Variants in FAM3C observed in about 807,000 individuals in gnomAD.
The protein encoded by FAM3C is protein FAM3C.
FAM3C carries 15 observed loss-of-function variants against 32.5 expected under a neutral mutation model. The ratio of observed to expected loss-of-function variants is 0.46; its 90% CI spans 0.31 to 0.71. The LOEUF (loss-of-function observed/expected upper bound fraction) is 0.71, where lower values mean the gene tolerates loss of function less well. Among genes scored for constraint, FAM3C ranks in the 30% least tolerant of loss-of-function variants. FAM3C has a pLI of 0.05. For synonymous variants in FAM3C, 75 were observed against 86.1 expected (o/e 0.87, Z 0.72); for missense variants, 175 against 274.4 (o/e 0.64, Z 2.56).
chr7:121,375,354 T>A (rs1450177402), intron 3 of FAM3C, among the ~76,000 whole-genome samples: 1 of 152,124 alleles, frequency 6.6e-6, no homozygotes, highest in Non-Finnish European at 1.5e-5. Context: ...CTGCAGACTG[T>A]GTGCAGACTG....
intron 5 of FAM3C, among the ~76,000 whole-genome samples, chr7:121,365,552 A>G (rs929669278): frequency 6.6e-6 from 1 of 152,132 alleles, no homozygotes; most frequent in African/African-American, 2.4e-5. Flanking sequence ...ATTCAAAAAC[A>G]CTATAAATAA....
intron 3 of FAM3C, among the ~76,000 whole-genome samples, chr7:121,374,584 G>A (rs1049826497): frequency 3.3e-5 from 5 of 152,178 alleles, no homozygotes; most frequent in Non-Finnish European, 7.4e-5. Flanking sequence ...ATACTAAGAT[G>A]TTAAACAAAT....
At chr7:121,359,031 A>C (rs2707508) in intron 8 of FAM3C, among the ~76,000 whole-genome samples, 1 of 151,936 alleles carries the variant, frequency 6.6e-6, no homozygotes, top group African/African-American at 2.4e-5. Flanking sequence ...TAATAAAGGC[A>C]TATTAAAATA....
At chr7:121,366,051 T>C (rs537275139) in intron 5 of FAM3C, among the ~76,000 whole-genome samples, 41 of 152,204 alleles carry the variant, frequency 2.7e-4, no homozygotes, top group Non-Finnish European at 4.3e-4. Context: ...TAATAACAAG[T>C]GTTGGCAAGG....
chr7:121,395,609 G>C (rs1794674128), intron 1 of FAM3C, among the ~76,000 whole-genome samples: 1 of 152,096 alleles, frequency 6.6e-6, no homozygotes, highest in Non-Finnish European at 1.5e-5. Context: ...AGCTGTGAGA[G>C]CAGTAGCAAA....
chr7:121,360,778 T>C (rs1793903741), intron 7 of FAM3C, among the ~76,000 whole-genome samples: 1 of 152,076 alleles, frequency 6.6e-6, no homozygotes, highest in African/African-American at 2.4e-5. Flanking sequence ...GAGGTTGCGG[T>C]GAGCTGAGAT....
Position 121,371,529 on chromosome 7 carries a change from A to G in FAM3C, c.149-106T>C, listed in dbSNP as rs1207895276. ...ACAAAGAGCATTAAGAAAAACATCA[A>G]GATACACGTATCTTAAAATACAAGC... On this transcript the variant is annotated intron_variant, in intron 4 of 9. Coordinates refer to ENST00000359943, the MANE Select transcript of FAM3C (RefSeq NM_014888.3). The G allele has an allele frequency of 4.3e-6, 5 of 1,159,092 alleles. No homozygotes were observed. In the East Asian group the frequency reaches 9.6e-5, roughly 22 times the overall value. The allele number at this position is 1,159,092 out of a possible 1,614,324, so 71.8% of individuals were successfully genotyped here. A position where few individuals can be genotyped will look rare whatever the true frequency, so the allele number is the denominator to read the frequency against.
At chr7:121,393,610 A>G (rs571979041) in intron 1 of FAM3C, among the ~76,000 whole-genome samples, 1 of 152,356 alleles carries the variant, frequency 6.6e-6, no homozygotes, top group Non-Finnish European at 1.5e-5. Flanking sequence ...GAGCAGGCCA[A>G]TGAAGAAGAA....
intron 1 of FAM3C, among the ~76,000 whole-genome samples, chr7:121,386,685 ACG>A (rs1491322545): frequency 1.5e-5 from 2 of 132,916 alleles, no homozygotes; most frequent in Non-Finnish European, 3.2e-5. Flanking sequence ...ACACACACAC[ACG>A]CACACATATA....
At chr7:121,359,977 A>T (rs2116884742) in intron 8 of FAM3C, 66 bp downstream of exon 8, 1 of 813,868 alleles carries the variant, frequency 1.2e-6, no homozygotes, top group South Asian at 1.5e-5. Context: ...ATTTTTTTTT[A>T]ATGAAAATGT....
chr7:121,351,074 G>T, intron 9 of FAM3C, 69 bp downstream of exon 9: 1 of 1,377,892 alleles, frequency 7.3e-7, no homozygotes, highest in Admixed American at 2.0e-5. Context: ...AAATAGCTGG[G>T]ATGGGAAAAT....
At chr7:121,360,237 C>A in intron 7 of FAM3C, 110 bp from the exon 8 acceptor site, 1 of 638,448 alleles carries the variant, frequency 1.6e-6, no homozygotes, top group Non-Finnish European at 2.8e-6. Flanking sequence ...CAATAATTTC[C>A]AATGTAAAGT....
chr7:121,389,186 A>C (rs1279370729), intron 1 of FAM3C, among the ~76,000 whole-genome samples: 1 of 152,124 alleles, frequency 6.6e-6, no homozygotes, highest in Non-Finnish European at 1.5e-5. Flanking sequence ...TACACACTAC[A>C]TTCTGAGAAC....
rs1331215370 is a variant in FAM3C, at chr7:121,379,076, CTATGAAAAATGTT to C, written c.14-75_14-63del. On this transcript the variant is annotated intron_variant, in intron 2 of 9. Transcript: ENST00000359943. ...CCCACAGAACTTTTATTTTGCATTT[CTATGAAAAATGTT>C]TATAAATTTTTTAAGATCAATACAT... 108 of 888,940 alleles carry C rather than the reference CTATGAAAAATGTT, an allele frequency of 1.2e-4. 1 individual carries two copies. The highest frequency in any genetic ancestry group is 2.7e-5 in the Admixed American group (1 of 36,628). 55.1% of individuals were successfully genotyped at this position (888,940 alleles called of 1,614,324 possible).
chr7:121,377,994 TTAAA>T (rs1794273638), intron 3 of FAM3C, among the ~76,000 whole-genome samples: 1 of 152,228 alleles, frequency 6.6e-6, no homozygotes, highest in Non-Finnish European at 1.5e-5. Context: ...AGCGCCTTGG[TTAAA>T]TAATTGTTTT....
At chr7:121,352,390 C>A (rs1284013488) in intron 8 of FAM3C, among the ~76,000 whole-genome samples, 5 of 152,098 alleles carry the variant, frequency 3.3e-5, no homozygotes, top group Non-Finnish European at 1.5e-5. Flanking sequence ...TTGATGCCCA[C>A]CACATCCGTG....
intron 8 of FAM3C, among the ~76,000 whole-genome samples, chr7:121,352,996 G>T (rs73217400): frequency 6.6e-4 from 101 of 152,318 alleles, no homozygotes; most frequent in Non-Finnish European, 1.3e-3. Context: ...TCAGTGGTCA[G>T]CTAAATGGAC....
intron 7 of FAM3C, among the ~76,000 whole-genome samples, chr7:121,361,335 CATA>C (rs879873347): frequency 3.3e-5 from 5 of 152,194 alleles, no homozygotes; most frequent in Non-Finnish European, 5.9e-5. Context: ...GATTATATTT[CATA>C]ATAATAGCAT....
intron 8 of FAM3C, among the ~76,000 whole-genome samples, chr7:121,356,962 A>G (rs1793826898): frequency 6.6e-6 from 1 of 152,180 alleles, no homozygotes; most frequent in Non-Finnish European, 1.5e-5. Flanking sequence ...ATCAAGAAAC[A>G]CCATGATTAA....
Sources: allele counts gnomAD v4.1 joint callset (sites outside exome capture counted in the v4.1 genomes callset), GRCh38; gene constraint gnomAD v4.1.1; transcripts MANE v1.5; gene names NCBI Gene and HGNC (gene_info 2026-07-23, HGNC 2026-07-21).